Variants in GRM4 observed in about 807,000 individuals in gnomAD.
The protein encoded by GRM4 is glutamate metabotropic receptor 4.
In GRM4, 28 loss-of-function variants were observed where a neutral mutation model predicts 81.7. The observed-to-expected ratio is 0.34, with a 90% confidence interval of 0.25 to 0.47. The LOEUF (loss-of-function observed/expected upper bound fraction) is 0.47. Among genes scored for constraint, GRM4 ranks in the 20% least tolerant of loss-of-function variants. The pLI is 1.00. For synonymous variants in GRM4, 488 were observed against 528.8 expected (o/e 0.92, Z 1.06); for missense variants, 948 against 1,290.0 (o/e 0.73, Z 4.06).
intron 5 of GRM4, among the ~76,000 whole-genome samples, 175 bp from the exon 6 acceptor site, chr6:34,056,859 A>G (rs1192530291): frequency 6.6e-6 from 1 of 152,228 alleles, no homozygotes; most frequent in African/African-American, 2.4e-5. Context: ...TTTCAAAATG[A>G]AAAGAGCTGT....
At chr6:34,122,574 C>T (rs183292676) in intron 2 of GRM4, among the ~76,000 whole-genome samples, 2 of 147,536 alleles carry the variant, frequency 1.4e-5, no homozygotes, top group East Asian at 2.0e-4. Context: ...TTTAGAAAGT[C>T]GGGAGAAAAA....
At chr6:34,112,726 C>A (rs1001864984) in intron 2 of GRM4, among the ~76,000 whole-genome samples, 4 of 151,970 alleles carry the variant, frequency 2.6e-5, no homozygotes, top group African/African-American at 7.3e-5. Flanking sequence ...CAGGACTCAG[C>A]CCCCCGCCCT....
At chr6:34,103,707 T>C in intron 2 of GRM4, 1 of 1,522,450 alleles carries the variant, frequency 6.6e-7, no homozygotes. Context: ...CCATGCCCCC[T>C]TTTCCAAGGA....
intron 2 of GRM4, among the ~76,000 whole-genome samples, chr6:34,117,403 C>G (rs1010162805): frequency 2.0e-5 from 3 of 152,192 alleles, no homozygotes; most frequent in Non-Finnish European, 4.4e-5. Context: ...GGGTATCTGC[C>G]TCCTTCTCCC....
upstream of GRM4, among the ~76,000 whole-genome samples, chr6:34,150,962 C>T (rs368993577): frequency 3.6e-3 from 549 of 152,254 alleles, 6 homozygotes; most frequent in African/African-American, 0.012. Flanking sequence ...AGCACAGGTC[C>T]TGGTGGTATG....
At chr6:34,116,411 C>T (rs535321041) in intron 2 of GRM4, among the ~76,000 whole-genome samples, 16 of 152,286 alleles carry the variant, frequency 1.1e-4, no homozygotes, top group African/African-American at 3.8e-4. Flanking sequence ...TACTATGTTC[C>T]AGGCACTGGA....
In GRM4 at chr6:34,090,143, G is replaced by A. The variant is rs895687852; in HGVS notation, c.736+1740C>T. The stretch of plus-strand genomic sequence containing the variant: ...AGGGCAGGAAGGACTGCCCAGGACA[G>A]CAGGTGCTGGGCACAGAGGGAGGCC... On this transcript the variant is annotated intron_variant, in intron 3 of 10. Transcript: ENST00000538487. The surrounding 1 kb of genome is among the most constrained non-coding windows in gnomAD (Gnocchi z 5.2). 6.6e-6 allele frequency among the ~76,000 whole-genome samples: 1 copy of A among 152,190 alleles called. No individual in the cohort carries two copies. The highest frequency in any genetic ancestry group is 2.4e-5 in the African/African-American group (1 of 41,430).
chr6:34,056,544 T>C lies in GRM4; in HGVS notation c.1168A>G (p.Asn390Asp). ...KKGSHVKKCTNRERIGQDSAY... is the reference protein window; with the variant it reads ...KKGSHVKKCTDRERIGQDSAY... ...GGCCCTGCCCGGCCCGCGTGCTCAC[T>C]GGTGCACTTCTTGACGTGGCTGCCC... The change falls in exon 6 of 11, where the codon AAC becomes GAC. Residue 390 changes from asparagine (N) to aspartate (D), a missense_variant and splice_region_variant. Physicochemically the swap from Asn to Asp is conservative, Grantham distance 23 (BLOSUM62 1). Transcript: ENST00000538487. 6.2e-7 allele frequency: 1 copy of C among 1,612,542 alleles called. No individual in the cohort carries two copies. Among genetic ancestry groups the C allele is most frequent in the Non-Finnish European group, 8.5e-7 (1 of 1,179,550 alleles).
intron 2 of GRM4, among the ~76,000 whole-genome samples, chr6:34,106,583 C>A (rs969056230): frequency 1.3e-5 from 2 of 152,196 alleles, no homozygotes; most frequent in African/African-American, 4.8e-5. Context: ...CTCCAACGTC[C>A]ATGTTGTTCC....
chr6:34,095,834 G>C (rs967258979), intron 2 of GRM4, among the ~76,000 whole-genome samples: 1 of 152,180 alleles, frequency 6.6e-6, no homozygotes, highest in African/African-American at 2.4e-5. Flanking sequence ...GAGGGATCGG[G>C]GGCAGGAGGT....
Position 34,070,805 on chromosome 6 carries a change from C to T in GRM4, c.737-8777G>A, listed in dbSNP as rs1177362825. Among the ~76,000 whole-genome samples the T allele has an allele frequency of 1.6e-5, 2 of 126,966 alleles. No homozygotes were observed. The highest frequency in any genetic ancestry group is 4.3e-4 in the South Asian group (2 of 4,604). The allele number at this position is 126,966 out of a possible 152,430, so 83.3% of individuals were successfully genotyped here. A position where few individuals can be genotyped will look rare whatever the true frequency, so the allele number is the denominator to read the frequency against. On this transcript the variant is annotated intron_variant, in intron 3 of 10. Coordinates refer to ENST00000538487, the MANE Select transcript of GRM4 (RefSeq NM_000841.4). The surrounding 1 kb of genome is among the most constrained non-coding windows in gnomAD (Gnocchi z 4.6). ...CCACACCCCCAGCCACACACACACA[C>T]ACACACACACACACGGCAATGCACA...
chr6:34,120,270 C>T (rs1010798109), intron 2 of GRM4, among the ~76,000 whole-genome samples: 5 of 152,044 alleles, frequency 3.3e-5, no homozygotes, highest in African/African-American at 1.2e-4. Flanking sequence ...TTTCCCTCCA[C>T]GAGGCCTCAG....
In GRM4 at chr6:34,022,907, G is replaced by A; in HGVS notation, c.2690-37C>T. 5 of 1,571,896 alleles carry A rather than the reference G, an allele frequency of 3.2e-6. No individual in the cohort carries two copies. Among genetic ancestry groups the A allele is most frequent in the Non-Finnish European group, 4.4e-6 (5 of 1,141,616 alleles). ...GAGACCAGGGGTACCCAGGAGTCAG[G>A]GGCTGCTTTTCTCAAACTGTCCTTC... On this transcript the variant is annotated intron_variant, in intron 10 of 10. Coordinates refer to ENST00000538487, the MANE Select transcript of GRM4 (RefSeq NM_000841.4). This position sits in a 1 kb window ranked among gnomAD's most constrained non-coding sequence, Gnocchi z 5.6.
In GRM4 at chr6:34,152,701, C is replaced by T. The variant is rs189938173; in HGVS notation, c.312+2378G>A. Among the ~76,000 whole-genome samples the T allele has an allele frequency of 9.9e-5, 15 of 152,188 alleles. No homozygotes were observed. The highest frequency in any genetic ancestry group is 3.4e-4 in the African/African-American group (14 of 41,440). On this transcript the variant is annotated intron_variant, in intron 1 of 8. Transcript: ENST00000374177. This position sits in a 1 kb window ranked among gnomAD's most constrained non-coding sequence, Gnocchi z 4.1. ...TAATGGCGTTTGATTGGATCCGATG[C>T]GCTTTTAATTCCCTCCTGGGACATC...
chr6:34,134,119 G>A lies in GRM4; in HGVS notation c.-363-260C>T, dbSNP rs573679076. ...CTATCAGTAGCCCGGGCATCAGAGA[G>A]CACAATCCCCAGGAACAGCCTCGAA... On this transcript the variant is annotated intron_variant, in intron 1 of 10. Coordinates refer to ENST00000538487, the MANE Select transcript of GRM4 (RefSeq NM_000841.4). Among the ~76,000 whole-genome samples, 17 of 152,220 alleles carry A rather than the reference G, an allele frequency of 1.1e-4. No homozygotes were observed. In the South Asian group the frequency reaches 3.3e-3, roughly 30 times the overall value.
At chr6:34,155,092 G>C (rs1771122414) in exon 1 of GRM4, 22 of 1,523,708 alleles carry the variant, frequency 1.4e-5, no homozygotes, top group Non-Finnish European at 1.9e-5. Flanking sequence ...AGCAGATTCC[G>C]GAAGGAGGCA....
intron 2 of GRM4, among the ~76,000 whole-genome samples, chr6:34,127,104 AT>A (rs1299836710): frequency 5.3e-5 from 8 of 152,228 alleles, no homozygotes; most frequent in African/African-American, 1.9e-4. Context: ...ACCAGGCCAG[AT>A]TTGGCTCCTA....
chr6:34,057,868 G>A (rs1055685617), intron 5 of GRM4, among the ~76,000 whole-genome samples: 9 of 152,304 alleles, frequency 5.9e-5, no homozygotes, highest in Non-Finnish European at 1.0e-4. Flanking sequence ...ATGTCTGTAA[G>A]GGGCCTGGCA....
Position 34,040,653 on chromosome 6 carries a change from C to A in GRM4, c.1264G>T (p.Ala422Ser), listed in dbSNP as rs142960818. 1 of 1,614,044 alleles carries A rather than the reference C, an allele frequency of 6.2e-7. No individual in the cohort carries two copies. Among genetic ancestry groups the A allele is most frequent in the Non-Finnish European group, 8.5e-7 (1 of 1,179,882 alleles). The change falls in exon 7 of 11, where the codon GCC (alanine) becomes TCC (serine). Residue 422 changes from alanine (A) to serine (S), a missense_variant. By Grantham distance (99) the Ala-to-Ser change is moderately conservative. Transcript: ENST00000538487. ...CCGGGACACAGGTCACGGTGCATGG[C>A]GTGCAGCGCGTGGCCCATGGCGTAC... is the stretch of plus-strand genomic sequence containing the variant. ...AVYAMGHALHAMHRDLCPGRV... is the reference protein window; with the variant it reads ...AVYAMGHALHSMHRDLCPGRV...
Sources: gnomAD v4.1 joint callset for allele counts (sites outside exome capture counted in the v4.1 genomes callset) on GRCh38, gnomAD v4.1.1 for gene constraint, Gnocchi (gnomAD v3.1) non-coding constraint, MANE v1.5 for transcripts, NCBI Gene and HGNC (gene_info 2026-07-23, HGNC 2026-07-21) for gene names.